Variants in OXR1 observed in about 807,000 individuals in gnomAD.
OXR1 encodes the protein oxidation resistance protein 1.
A neutral mutation model predicts 104.6 loss-of-function variants in OXR1; 41 were observed. The observed-to-expected ratio is 0.39, with a 90% CI of 0.31 to 0.51. OXR1 has a LOEUF of 0.51. OXR1 is among the 20% of genes least tolerant of loss of function. The pLI, the probability that OXR1 is intolerant of heterozygous loss-of-function variation, is 0.77. For synonymous variants in OXR1, 348 were observed against 348.4 expected (o/e 1.00, Z 0.01); for missense variants, 955 against 1,031.9 (o/e 0.93, Z 1.02).
At chr8:106,490,117 C>A (rs1163345210) in intron 2 of OXR1, among the ~76,000 whole-genome samples, 2 of 152,122 alleles carry the variant, frequency 1.3e-5, no homozygotes, top group African/African-American at 4.8e-5. Context: ...AAAAGGAATA[C>A]CTTTCCCCTT....
intron 1 of OXR1, among the ~76,000 whole-genome samples, chr8:106,287,387 A>G (rs983887667): frequency 6.6e-6 from 1 of 152,200 alleles, no homozygotes; most frequent in Non-Finnish European, 1.5e-5. Context: ...AAATAGAACA[A>G]GGTTACTAAG....
At chr8:106,491,020 A>G (rs975686056) in intron 2 of OXR1, among the ~76,000 whole-genome samples, 1 of 152,150 alleles carries the variant, frequency 6.6e-6, no homozygotes, top group Non-Finnish European at 1.5e-5. Context: ...CTGCCTTTAT[A>G]CTGACTAGTG....
intron 2 of OXR1, among the ~76,000 whole-genome samples, chr8:106,360,649 A>G (rs1028889731): frequency 2.6e-5 from 4 of 152,160 alleles, no homozygotes; most frequent in African/African-American, 9.7e-5. Flanking sequence ...AAAAAAAAGC[A>G]TTAAAGAAAC....
intron 2 of OXR1, among the ~76,000 whole-genome samples, chr8:106,482,843 G>A (rs949741133): frequency 6.9e-6 from 1 of 145,962 alleles, no homozygotes; most frequent in Middle Eastern, 3.3e-3. Flanking sequence ...ATGTCATGAT[G>A]TGTAAAAATT....
chr8:106,513,631 G>GTT (rs1474482469), intron 2 of OXR1, among the ~76,000 whole-genome samples: 1 of 152,152 alleles, frequency 6.6e-6, no homozygotes, highest in East Asian at 1.9e-4. Context: ...CAGGTTCAGT[G>GTT]TTTATCGAAA....
intron 2 of OXR1, among the ~76,000 whole-genome samples, chr8:106,490,514 A>G (rs1392718718): frequency 6.6e-6 from 1 of 151,812 alleles, no homozygotes; most frequent in African/African-American, 2.4e-5. Flanking sequence ...CTGCGCCACC[A>G]CACCCAGCTA....
intron 2 of OXR1, among the ~76,000 whole-genome samples, chr8:106,404,909 G>A (rs753965577): frequency 1.6e-4 from 24 of 151,824 alleles, no homozygotes; most frequent in African/African-American, 5.8e-4. Context: ...GTTTCACCAC[G>A]TTAACCTGGA....
At chr8:106,391,794 T>C (rs1023119734) in intron 2 of OXR1, among the ~76,000 whole-genome samples, 4 of 152,194 alleles carry the variant, frequency 2.6e-5, no homozygotes, top group African/African-American at 7.2e-5. Context: ...AGCCATTCTT[T>C]ACATAAGAGA....
intron 2 of OXR1, among the ~76,000 whole-genome samples, chr8:106,501,509 C>T (rs1032435005): frequency 3.3e-5 from 5 of 152,052 alleles, no homozygotes; most frequent in African/African-American, 1.2e-4. Flanking sequence ...CTTTGCTCTT[C>T]GTTTGCAGAA....
rs544383834 is a variant in OXR1, at chr8:106,680,014, A to C, written c.303+722A>C. Among the ~76,000 whole-genome samples the C allele has an allele frequency of 4.6e-5, 7 of 152,218 alleles. No individual in the cohort carries two copies. The East Asian group carries it at 1.2e-3, about 25-fold the overall frequency. On this transcript the variant is annotated intron_variant, in intron 4 of 16. Coordinates refer to ENST00000517566, the MANE Select transcript of OXR1 (RefSeq NM_001198533.2). Reference sequence around the variant, plus strand: ...GTATTAAGGAGAACAGCAATTTTAAACATTAATTTAGCATTTGTATCATTA... The same window carrying C: ...GTATTAAGGAGAACAGCAATTTTAACCATTAATTTAGCATTTGTATCATTA...
intron 7 of OXR1, among the ~76,000 whole-genome samples, chr8:106,695,410 A>G (rs955930938): frequency 1.3e-5 from 2 of 149,398 alleles, no homozygotes; most frequent in African/African-American, 2.5e-5. Flanking sequence ...ATGTTTATGT[A>G]TATTTTCTTT....
intron 11 of OXR1, among the ~76,000 whole-genome samples, chr8:106,730,545 T>A (rs938470270): frequency 5.9e-5 from 9 of 152,212 alleles, no homozygotes; most frequent in Non-Finnish European, 1.2e-4. Flanking sequence ...CCTTCATGTC[T>A]TTTTGGCTTG....
chr8:106,619,942 TCTC>T (rs1821560961), intron 3 of OXR1, among the ~76,000 whole-genome samples: 1 of 152,100 alleles, frequency 6.6e-6, no homozygotes, highest in South Asian at 2.1e-4. Context: ...TATTCCTCTC[TCTC>T]CTCCTCCCTC....
At chr8:106,711,326 C>A (rs550364754) in intron 10 of OXR1, among the ~76,000 whole-genome samples, 1 of 152,138 alleles carries the variant, frequency 6.6e-6, no homozygotes, top group Non-Finnish European at 1.5e-5. Context: ...GTTACTTATA[C>A]CCAGTAGAAC....
chr8:106,502,935 C>T (rs1811906357), intron 2 of OXR1, among the ~76,000 whole-genome samples: 1 of 152,138 alleles, frequency 6.6e-6, no homozygotes, highest in South Asian at 2.1e-4. Context: ...ATTAGAACTT[C>T]TGGCAAGGCA....
chr8:106,306,490 A>G (rs982704701), intron 1 of OXR1, among the ~76,000 whole-genome samples: 1 of 151,724 alleles, frequency 6.6e-6, no homozygotes, highest in Non-Finnish European at 1.5e-5. Context: ...CATGATGTTC[A>G]CAGCAGTTTT....
At chr8:106,557,277 T>A (rs1303614373) in intron 3 of OXR1, among the ~76,000 whole-genome samples, 1 of 152,220 alleles carries the variant, frequency 6.6e-6, no homozygotes, top group Non-Finnish European at 1.5e-5. Context: ...TTTCTTGCTA[T>A]TCTTTTTAAG....
At chr8:106,728,219 A>G (rs1175242622) in intron 11 of OXR1, among the ~76,000 whole-genome samples, 5 of 123,706 alleles carry the variant, frequency 4.0e-5, no homozygotes, top group African/African-American at 1.9e-4. Flanking sequence ...CTAAACTGGA[A>G]AAAAAAAAAA....
chr8:106,697,899 G>T, intron 7 of OXR1: 1 of 1,612,300 alleles, frequency 6.2e-7, no homozygotes, highest in East Asian at 2.2e-5. Flanking sequence ...CATCCTTTCG[G>T]CACTGGGTGG....
Sources: gnomAD v4.1 joint callset for allele counts (sites outside exome capture counted in the v4.1 genomes callset) on GRCh38, gnomAD v4.1.1 for gene constraint, MANE v1.5 for transcripts, NCBI Gene and HGNC (gene_info 2026-07-23, HGNC 2026-07-21) for gene names.